HCN1: variants seen among roughly 807,000 people sequenced by gnomAD.
HCN1 encodes hyperpolarization activated cyclic nucleotide gated potassium channel 1.
In HCN1, 13 loss-of-function variants were observed where a neutral mutation model predicts 78.9. The observed-to-expected ratio is 0.16, with a 90% CI of 0.11 to 0.26. The LOEUF (loss-of-function observed/expected upper bound fraction) is 0.26, where lower values mean the gene tolerates loss of function less well. Among genes scored for constraint, HCN1 ranks in the 10% least tolerant of loss-of-function variants. HCN1 has a pLI of 1.00. For synonymous variants in HCN1, 552 were observed against 455.5 expected (o/e 1.21, Z -2.70); for missense variants, 810 against 1,154.3 (o/e 0.70, Z 4.32).
intron 5 of HCN1, among the ~76,000 whole-genome samples, chr5:45,321,607 C>T (rs998251897): frequency 6.7e-6 from 1 of 150,242 alleles, no homozygotes; most frequent in African/African-American, 2.5e-5. Context: ...TAAAATTTTG[C>T]CCATTGGAGA....
chr5:45,400,269 A>G (rs960648898), intron 3 of HCN1, among the ~76,000 whole-genome samples: 1 of 152,048 alleles, frequency 6.6e-6, no homozygotes, highest in African/African-American at 2.4e-5. Flanking sequence ...TGGAAAAGAA[A>G]GTTTAATTCA....
intron 2 of HCN1, among the ~76,000 whole-genome samples, chr5:45,604,543 T>C (rs1345101289): frequency 1.3e-5 from 2 of 152,024 alleles, no homozygotes. Flanking sequence ...TGTGGTCTGC[T>C]GATAAATGAT....
chr5:45,450,761 A>T (rs963151725), intron 3 of HCN1, among the ~76,000 whole-genome samples: 1 of 152,200 alleles, frequency 6.6e-6, no homozygotes, highest in East Asian at 1.9e-4. Flanking sequence ...AGATCTTAAT[A>T]AGAATGTAGC....
intron 2 of HCN1, among the ~76,000 whole-genome samples, chr5:45,588,631 T>A (rs765747648): frequency 1.3e-5 from 2 of 152,144 alleles, no homozygotes; most frequent in Admixed American, 1.3e-4. Context: ...TTACAAACTC[T>A]TTATCTTTTA....
intron 1 of HCN1, 56 bp downstream of exon 1, chr5:45,695,613 A>T: frequency 6.6e-7 from 1 of 1,524,086 alleles, no homozygotes. Flanking sequence ...AGGGCGGGGA[A>T]GCGCGTTTCA....
chr5:45,550,595 T>C (rs939804570), intron 2 of HCN1, among the ~76,000 whole-genome samples: 2 of 152,204 alleles, frequency 1.3e-5, no homozygotes, highest in African/African-American at 4.8e-5. Flanking sequence ...TGTATACATA[T>C]GTAACAAACC....
chr5:45,372,113 AATTATAT>A (rs1184553606), intron 4 of HCN1, among the ~76,000 whole-genome samples: 2 of 59,566 alleles, frequency 3.4e-5, no homozygotes, highest in African/African-American at 1.6e-4. Context: ...TATATAATAT[AATTATAT>A]ATTATATATA....
chr5:45,414,798 G>A (rs996844528), intron 3 of HCN1, among the ~76,000 whole-genome samples: 12 of 151,888 alleles, frequency 7.9e-5, no homozygotes, highest in African/African-American at 2.9e-4. Flanking sequence ...TTATCTCAGG[G>A]CAGTCTTATG....
Position 45,279,150 on chromosome 5 carries a change from T to C in HCN1, c.1619-11897A>G, listed in dbSNP as rs140063066. 2.4e-3 allele frequency among the ~76,000 whole-genome samples: 368 copies of C among 152,272 alleles called. 1 individual carries two copies. The highest frequency in any genetic ancestry group is 3.6e-3 in the Non-Finnish European group (248 of 67,986). Reference sequence around the variant, plus strand: ...TAAGCCACTATTTAGCTTGTGACTTTAAGCAAAGTGAAGTGAGGAATTAGG... The same window carrying C: ...TAAGCCACTATTTAGCTTGTGACTTCAAGCAAAGTGAAGTGAGGAATTAGG... On this transcript the variant is annotated intron_variant, in intron 6 of 7. Transcript: ENST00000303230.
chr5:45,565,575 C>A (rs1743692432), intron 2 of HCN1, among the ~76,000 whole-genome samples: 1 of 152,208 alleles, frequency 6.6e-6, no homozygotes, highest in African/African-American at 2.4e-5. Context: ...GTAATCCCAG[C>A]ATTTTGGGAG....
At chr5:45,571,953 G>A (rs781558259) in intron 2 of HCN1, among the ~76,000 whole-genome samples, 2 of 152,062 alleles carry the variant, frequency 1.3e-5, no homozygotes, top group Non-Finnish European at 2.9e-5. Context: ...GTCACTATGA[G>A]TTATGACCAT....
intron 2 of HCN1, among the ~76,000 whole-genome samples, chr5:45,480,984 C>T (rs893538947): frequency 3.9e-5 from 6 of 152,212 alleles, no homozygotes; most frequent in African/African-American, 4.8e-5. Flanking sequence ...TTCCATTATT[C>T]GAATGCTAGA....
At chr5:45,493,090 T>G (rs1741925630) in intron 2 of HCN1, among the ~76,000 whole-genome samples, 1 of 152,106 alleles carries the variant, frequency 6.6e-6, no homozygotes, top group Non-Finnish European at 1.5e-5. Flanking sequence ...TTGTAAAATA[T>G]TTTACTAGGC....
At position 45,608,523 on chromosome 5, in the gene HCN1, G is replaced by T. The variant is rs867819862; in HGVS notation, c.849+36662C>A. On this transcript the variant is annotated intron_variant, in intron 2 of 7. Coordinates refer to ENST00000303230, the MANE Select transcript of HCN1 (RefSeq NM_021072.4). Reference sequence around the variant, plus strand: ...CTTAGCTTTAAATGCTTAATATAAGGCTACAGTAATTAAGTTAGTTTGGTG... The same window carrying T: ...CTTAGCTTTAAATGCTTAATATAAGTCTACAGTAATTAAGTTAGTTTGGTG... Among the ~76,000 whole-genome samples, 6 of 151,796 alleles carry T rather than the reference G, an allele frequency of 4.0e-5. No individual in the cohort carries two copies. In the South Asian group the frequency reaches 1.2e-3, roughly 31 times the overall value.
chr5:45,277,766 A>C (rs1407965811), intron 6 of HCN1, among the ~76,000 whole-genome samples: 1 of 152,178 alleles, frequency 6.6e-6, no homozygotes, highest in Non-Finnish European at 1.5e-5. Flanking sequence ...AGCAGCCCAT[A>C]CAACGATCTG....
At chr5:45,484,117 A>T (rs1046653378) in intron 2 of HCN1, among the ~76,000 whole-genome samples, 2 of 152,074 alleles carry the variant, frequency 1.3e-5, no homozygotes, top group Non-Finnish European at 2.9e-5. Context: ...AATCCCCATT[A>T]CATTTTTCTG....
At chr5:45,491,310 A>G (rs1741880260) in intron 2 of HCN1, among the ~76,000 whole-genome samples, 1 of 152,092 alleles carries the variant, frequency 6.6e-6, no homozygotes, top group Non-Finnish European at 1.5e-5. Flanking sequence ...ATCAGCATCA[A>G]ATTTTCCCTT....
At chr5:45,424,613 A>C (rs1021682507) in intron 3 of HCN1, among the ~76,000 whole-genome samples, 1 of 152,178 alleles carries the variant, frequency 6.6e-6, no homozygotes, top group African/African-American at 2.4e-5. Flanking sequence ...AATCACAAAT[A>C]TTATTAAATT....
At chr5:45,500,183 T>G (rs1028569516) in intron 2 of HCN1, among the ~76,000 whole-genome samples, 2 of 152,058 alleles carry the variant, frequency 1.3e-5, no homozygotes, top group Non-Finnish European at 1.5e-5. Flanking sequence ...AAAAAAATAA[T>G]TTTTCTTATT....
Sources: allele counts gnomAD v4.1 joint callset (sites outside exome capture counted in the v4.1 genomes callset), GRCh38; gene constraint gnomAD v4.1.1; transcripts MANE v1.5; gene names NCBI Gene and HGNC (gene_info 2026-07-23, HGNC 2026-07-21).